ALKBH4: variants seen among roughly 807,000 people sequenced by gnomAD.
ALKBH4 encodes the protein alkB homolog 4, lysine demethylase.
Under a neutral mutation model 12.1 loss-of-function variants are expected in ALKBH4, and 8 were observed. That is an observed-to-expected ratio of 0.66 (90% CI 0.39 to 1.19). The LOEUF (loss-of-function observed/expected upper bound fraction) is 1.19. ALKBH4 is among the 50% of genes most tolerant of loss of function. The pLI, the probability that ALKBH4 is intolerant of heterozygous loss-of-function variation, is 0.01. For synonymous variants in ALKBH4, 195 were observed against 191.6 expected, an observed-to-expected ratio of 1.02 and a Z score of -0.15; for missense variants, 403 against 430.4, an observed-to-expected ratio of 0.94 and a Z score of 0.56.
At position 102,457,758 on chromosome 7, in the gene ALKBH4, C is replaced by A; in HGVS notation, c.545G>T (p.Ser182Ile). 1 of 1,587,400 alleles carries A rather than the reference C, an allele frequency of 6.3e-7. No homozygotes were observed. The highest frequency in any genetic ancestry group is 8.6e-7 in the Non-Finnish European group (1 of 1,169,390). Reference protein sequence around the residue: ...DAWLWGERLVSLNLLSPTVLS... With the variant: ...DAWLWGERLVILNLLSPTVLS... ...CACGGTGGGGGACAGGAGGTTGAGG[C>A]TGACCAGCCGCTCCCCCCACAGCCA... The change falls in exon 3 of 3, where the codon AGC (serine) becomes ATC (isoleucine). Residue 182 changes from serine to isoleucine, a missense_variant. Transcript: ENST00000292566. The surrounding 1 kb of genome is among the most constrained non-coding windows in gnomAD (Gnocchi z 5.9).
At chr7:102,459,023 G>A (rs368079466) in intron 2 of ALKBH4, among the ~76,000 whole-genome samples, 1 of 151,820 alleles carries the variant, frequency 6.6e-6, no homozygotes, top group Admixed American at 6.6e-5. Context: ...GTGGGCACCT[G>A]TAGTCCCAGC....
At chr7:102,462,169 C>G (rs1468225016) in intron 1 of ALKBH4, among the ~76,000 whole-genome samples, 1 of 151,978 alleles carries the variant, frequency 6.6e-6, no homozygotes, top group East Asian at 1.9e-4. Flanking sequence ...AAAGGAGTGA[C>G]GAGGTCAAAT....
chr7:102,457,786 C>T lies in ALKBH4; in HGVS notation c.517G>A (p.Ala173Thr), dbSNP rs1452473262. ...ACCAGCCGCTCCCCCCACAGCCAGG[C>T]GTCGTCCAGGTGGGGGTCAATGGCA... ...GSAIDPHLDD[A>T]WLWGERLVSL... Residue 173 changes from alanine to threonine, a missense_variant, in exon 3 of 3, where the codon GCC becomes ACC. By Grantham distance (58) the Ala-to-Thr change is moderately conservative. Coordinates refer to ENST00000292566, the MANE Select transcript of ALKBH4 (RefSeq NM_017621.4). The surrounding 1 kb of genome is among the most constrained non-coding windows in gnomAD (Gnocchi z 5.9). The T allele has an allele frequency of 5.0e-6, 8 of 1,602,890 alleles. No individual in the cohort carries two copies. In the Admixed American group the frequency reaches 6.7e-5, roughly 13 times the overall value.
At chr7:102,459,392 CAG>C in intron 2 of ALKBH4, 1 of 548,258 alleles carries the variant, frequency 1.8e-6, no homozygotes, top group Non-Finnish European at 3.2e-6. Flanking sequence ...GCGCATATCA[CAG>C]GGAGATGGGG....
intron 2 of ALKBH4, 139 bp from the exon 3 acceptor site, chr7:102,458,120 G>T: frequency 1.2e-6 from 1 of 812,546 alleles, no homozygotes; most frequent in Non-Finnish European, 1.9e-6. Context: ...GCAGGAGGAG[G>T]CAGACTCAAG....
At chr7:102,458,115 A>T in intron 2 of ALKBH4, 134 bp from the exon 3 acceptor site, 1 of 852,486 alleles carries the variant, frequency 1.2e-6, no homozygotes. Context: ...GTGAAGCAGG[A>T]GGAGGCAGAC....
At chr7:102,460,978 C>G (rs1232768078) in intron 1 of ALKBH4, among the ~76,000 whole-genome samples, 2 of 152,196 alleles carry the variant, frequency 1.3e-5, no homozygotes, top group South Asian at 4.1e-4. Context: ...CCCCATGTCC[C>G]TCTCTGCTCT....
chr7:102,457,399 C>A lies in ALKBH4; in HGVS notation c.904G>T (p.Val302Leu). Residue 302 changes from valine (V) to leucine (L), a missense_variant, in exon 3 of 3, where the codon GTG becomes TTG. Transcript: ENST00000292566. The surrounding 1 kb of genome is among the most constrained non-coding windows in gnomAD (Gnocchi z 5.9). ...TCTGGAGCCAAGGAGGCGGTTCACA[C>A]GGGTCTTCCCTGGAAGGAGAGGGCG... ...RIALSFQGRP[V>L] 6.2e-7 allele frequency: 1 copy of A among 1,606,856 alleles called. No individual in the cohort carries two copies. The highest frequency in any genetic ancestry group is 1.7e-5 in the Admixed American group (1 of 59,862).
In ALKBH4 at chr7:102,456,642, G is replaced by C. The variant is rs1202119386; in HGVS notation, c.*752C>G. 6.6e-6 allele frequency: 1 copy of C among 152,176 alleles called. No homozygotes were observed. The highest frequency in any genetic ancestry group is 1.5e-5 in the Non-Finnish European group (1 of 68,030). The allele number at this position is 152,176 out of a possible 1,614,324, so 9.4% of individuals were successfully genotyped here. A position where few individuals can be genotyped will look rare whatever the true frequency, so the allele number is the denominator to read the frequency against. ...CATCCCCCAACCCTCCCTGGGCGTG[G>C]GGGTGTCAAGCATGAGTCAGGCTGA... On this transcript the variant is annotated 3_prime_UTR_variant, in exon 3 of 3. Transcript: ENST00000292566.
At chr7:102,463,322 CTTTTTTTTTTTT>C (rs71106683) in intron 1 of ALKBH4, among the ~76,000 whole-genome samples, 1 of 58,284 alleles carries the variant, frequency 1.7e-5, no homozygotes, top group Non-Finnish European at 2.9e-5. Flanking sequence ...CAAGTCATCT[CTTTTTTTTTTTT>C]TTTTTTTTTT....
At position 102,456,444 on chromosome 7, in the gene ALKBH4, G is replaced by T. The variant is rs991559303; in HGVS notation, c.*950C>A. The T allele has an allele frequency of 2.6e-5, 4 of 152,182 alleles. No individual in the cohort carries two copies. The highest frequency in any genetic ancestry group is 9.7e-5 in the African/African-American group (4 of 41,416). The allele number at this position is 152,182 out of a possible 1,614,324, so 9.4% of individuals were successfully genotyped here. ...ATGTTTGTATTTTTTGTAGAGATGG[G>T]GGTCTCACTATGTTGCCCAGGCTGG... On this transcript the variant is annotated 3_prime_UTR_variant, in exon 3 of 3. Coordinates refer to ENST00000292566, the MANE Select transcript of ALKBH4 (RefSeq NM_017621.4).
chr7:102,463,322 C>CTTTTTTTTTTTTTTTTTTTTT (rs71106683), intron 1 of ALKBH4, among the ~76,000 whole-genome samples: 1 of 58,284 alleles, frequency 1.7e-5, no homozygotes, highest in African/African-American at 7.4e-5. Context: ...CAAGTCATCT[C>CTTTTTTTTTTTTTTTTTTTTT]TTTTTTTTTT....
At chr7:102,462,430 C>T (rs148396021) in intron 1 of ALKBH4, among the ~76,000 whole-genome samples, 3,202 of 152,056 alleles carry the variant, frequency 0.021, 40 homozygotes, top group South Asian at 0.036. Context: ...AGTGTAGTGG[C>T]GCTCACAGCT....
chr7:102,464,488 C>A (rs796592436), intron 1 of ALKBH4, among the ~76,000 whole-genome samples: 7 of 152,214 alleles, frequency 4.6e-5, no homozygotes, highest in African/African-American at 1.7e-4. Context: ...CAGGCAGATC[C>A]CCCCAGAGTC....
At chr7:102,460,886 C>T (rs1284126505) in intron 1 of ALKBH4, among the ~76,000 whole-genome samples, 3 of 152,200 alleles carry the variant, frequency 2.0e-5, no homozygotes, top group Non-Finnish European at 2.9e-5. Flanking sequence ...CCTCCCTTCT[C>T]CTCACTCTTG....
At position 102,457,333 on chromosome 7, in the gene ALKBH4, CCT is replaced by C. The variant is rs1797676076; in HGVS notation, c.*59_*60del. On this transcript the variant is annotated 3_prime_UTR_variant, in exon 3 of 3. Transcript: ENST00000292566. This position sits in a 1 kb window ranked among gnomAD's most constrained non-coding sequence, Gnocchi z 5.9. ...TGAAACCCCGTGAGTTGCAGGAGGC[CCT>C]GTTCTGTGCTCCTCATTTCAATCCC... 1.3e-6 allele frequency: 2 copies of C among 1,531,222 alleles called. No individual in the cohort carries two copies. Among genetic ancestry groups the C allele is most frequent in the South Asian group, 2.5e-5 (2 of 81,404 alleles). The allele number at this position is 1,531,222 out of a possible 1,614,324, so 94.9% of individuals were successfully genotyped here.
intron 2 of ALKBH4, 105 bp from the exon 3 acceptor site, chr7:102,458,086 G>T: frequency 8.5e-7 from 1 of 1,172,992 alleles, no homozygotes; most frequent in Non-Finnish European, 1.2e-6. Context: ...GCAAGCAAAA[G>T]CCCCCTGGCT....
intron 1 of ALKBH4, among the ~76,000 whole-genome samples, chr7:102,463,662 A>G (rs76191781): frequency 0.011 from 1,687 of 152,230 alleles, 21 homozygotes; most frequent in Non-Finnish European, 0.02. Flanking sequence ...GTTTGCTTCC[A>G]TCTTTGGGCT....
intron 1 of ALKBH4, among the ~76,000 whole-genome samples, chr7:102,463,043 G>C (rs1018971410): frequency 7.4e-6 from 1 of 135,980 alleles, no homozygotes; most frequent in African/African-American, 2.8e-5. Flanking sequence ...CTGCAGCCTT[G>C]ACCTCCCAGG....
Sources: allele counts gnomAD v4.1 joint callset (sites outside exome capture counted in the v4.1 genomes callset), GRCh38; gene constraint gnomAD v4.1.1; non-coding constraint Gnocchi (gnomAD v3.1); transcripts MANE v1.5; gene names NCBI Gene and HGNC (gene_info 2026-07-23, HGNC 2026-07-21).